MTHFD1L: variants seen among roughly 807,000 people sequenced by gnomAD.
MTHFD1L encodes the protein methylenetetrahydrofolate dehydrogenase (NADP+ dependent) 1 like.
MTHFD1L carries 81 observed loss-of-function variants against 119.5 expected under a neutral mutation model. The observed-to-expected ratio is 0.68, with a 90% CI of 0.57 to 0.82. The LOEUF (loss-of-function observed/expected upper bound fraction) is 0.82. MTHFD1L is among the 40% of genes least tolerant of loss of function. The pLI, the probability that MTHFD1L is intolerant of heterozygous loss-of-function variation, is 0.00. For missense variants in MTHFD1L, 1,125 were observed against 1,253.4 expected (o/e 0.90, Z 1.55); for synonymous variants, 430 against 475.2 (o/e 0.90, Z 1.24).
At chr6:150,882,469 G>T (rs1781533625) in intron 4 of MTHFD1L, among the ~76,000 whole-genome samples, 1 of 152,114 alleles carries the variant, frequency 6.6e-6, no homozygotes, top group Non-Finnish European at 1.5e-5. Context: ...GTTGAGCTTT[G>T]GTTTTGTTCT....
At chr6:150,880,395 A>G (rs1403509075) in intron 4 of MTHFD1L, among the ~76,000 whole-genome samples, 4 of 152,186 alleles carry the variant, frequency 2.6e-5, no homozygotes, top group Non-Finnish European at 5.9e-5. Context: ...ACTTCATGTT[A>G]TGTCCTCCAG....
At chr6:151,080,782 A>G (rs1444390506) in intron 26 of MTHFD1L, among the ~76,000 whole-genome samples, 1 of 152,160 alleles carries the variant, frequency 6.6e-6, no homozygotes, top group Non-Finnish European at 1.5e-5. Flanking sequence ...TGGCTTGCAG[A>G]CAGCTGTCTT....
At chr6:150,894,027 T>G (rs1170484142) in intron 7 of MTHFD1L, among the ~76,000 whole-genome samples, 1 of 152,114 alleles carries the variant, frequency 6.6e-6, no homozygotes, top group Non-Finnish European at 1.5e-5. Context: ...GCAGATTGCT[T>G]GAGCCCAGGA....
intron 8 of MTHFD1L, among the ~76,000 whole-genome samples, chr6:150,914,916 C>A (rs1562369462): frequency 6.6e-6 from 1 of 152,206 alleles, no homozygotes; most frequent in African/African-American, 2.4e-5. Context: ...TTGCCTCTCT[C>A]TTCCACAAAT....
intron 26 of MTHFD1L, among the ~76,000 whole-genome samples, chr6:151,045,335 C>T (rs1787829941): frequency 6.6e-6 from 1 of 152,106 alleles, no homozygotes; most frequent in Non-Finnish European, 1.5e-5. Context: ...GAACGCCACT[C>T]CCCCCAGCAG....
intron 25 of MTHFD1L, among the ~76,000 whole-genome samples, chr6:151,036,642 T>G (rs974459361): frequency 6.6e-6 from 1 of 152,230 alleles, no homozygotes; most frequent in Admixed American, 6.5e-5. Flanking sequence ...TTAATAGTCT[T>G]GGAAAGTGGT....
rs1297628716 is a variant in MTHFD1L at position 151,101,793 on chromosome 6, G to A, written c.*299G>A. 1.3e-5 allele frequency: 2 copies of A among 152,364 alleles called. No individual in the cohort carries two copies. The highest frequency in any genetic ancestry group is 2.9e-5 in the Non-Finnish European group (2 of 68,024). The allele number at this position is 152,364 out of a possible 1,614,324, so 9.4% of individuals were successfully genotyped here. On this transcript the variant is annotated 3_prime_UTR_variant, in exon 28 of 28. Coordinates refer to ENST00000367321, the MANE Select transcript of MTHFD1L (RefSeq NM_015440.5). ...AGAATGTTTATTTTATGGGGACTAA[G>A]GGATTAGGAGTGTGAACTAAAAGGT...
chr6:151,066,606 A>G (rs1187100279), intron 26 of MTHFD1L, among the ~76,000 whole-genome samples: 1 of 149,186 alleles, frequency 6.7e-6, no homozygotes, highest in Non-Finnish European at 1.5e-5. Flanking sequence ...TCTACTAAAC[A>G]TACAAAAAAT....
rs74752198 is a variant in MTHFD1L at position 151,045,219 on chromosome 6, G to A, written c.2847+8102G>A. On this transcript the variant is annotated intron_variant, in intron 26 of 27. Transcript: ENST00000367321. ...CCTTCACATTTTCCAGAGATTTACG[G>A]CCAGTTACAATGAGACAATTAAACA... Among the ~76,000 whole-genome samples, 1,048 of 152,184 alleles carry A rather than the reference G, an allele frequency of 6.9e-3. 28 individuals carry two copies. In the South Asian group the frequency reaches 0.093, roughly 13 times the overall value.
chr6:150,902,873 A>G (rs1261109063), intron 7 of MTHFD1L, among the ~76,000 whole-genome samples: 2 of 152,204 alleles, frequency 1.3e-5, no homozygotes, highest in African/African-American at 2.4e-5. Context: ...CCTTGTTCAT[A>G]TTAACCTCCT....
chr6:151,038,184 G>T (rs1469013984), intron 26 of MTHFD1L, among the ~76,000 whole-genome samples: 1 of 152,182 alleles, frequency 6.6e-6, no homozygotes, highest in Non-Finnish European at 1.5e-5. Flanking sequence ...TAGCACAGAG[G>T]TATCTGGAGA....
chr6:150,961,984 TTTTA>T (rs568617882), intron 18 of MTHFD1L, among the ~76,000 whole-genome samples: 57 of 152,240 alleles, frequency 3.7e-4, no homozygotes, highest in African/African-American at 1.3e-3. Flanking sequence ...ATTTATTTAT[TTTTA>T]TTTATTTATT....
intron 26 of MTHFD1L, among the ~76,000 whole-genome samples, chr6:151,074,717 A>C (rs142000228): frequency 6.6e-6 from 1 of 152,226 alleles, no homozygotes; most frequent in Non-Finnish European, 1.5e-5. Flanking sequence ...ATGTATAAAT[A>C]CTTACCATTC....
At position 150,926,955 on chromosome 6, in the gene MTHFD1L, T is replaced by C. The variant is rs1475612798; in HGVS notation, c.1256+660T>C. Among the ~76,000 whole-genome samples the C allele has an allele frequency of 6.6e-6, 1 of 152,192 alleles. No homozygotes were observed. Among genetic ancestry groups the C allele is most frequent in the Admixed American group, 6.5e-5 (1 of 15,284 alleles). ...TTTCAAATATTTATTCAGTGTGACCTGAGGGAACATCATGAGACCATATAA... is the reference window on the plus strand; with the variant it reads ...TTTCAAATATTTATTCAGTGTGACCCGAGGGAACATCATGAGACCATATAA... On this transcript the variant is annotated intron_variant, in intron 11 of 27. Transcript: ENST00000367321. The surrounding 1 kb of genome is among the most constrained non-coding windows in gnomAD (Gnocchi z 4.3).
intron 1 of MTHFD1L, among the ~76,000 whole-genome samples, chr6:150,870,681 A>C (rs2128721950): frequency 6.6e-6 from 1 of 152,114 alleles, no homozygotes; most frequent in East Asian, 1.9e-4. Context: ...GGGAGGCTGA[A>C]GTGGGTGGAT....
chr6:151,049,241 C>T (rs1365310603), intron 26 of MTHFD1L, among the ~76,000 whole-genome samples: 2 of 152,174 alleles, frequency 1.3e-5, no homozygotes, highest in Non-Finnish European at 2.9e-5. Context: ...CCAGTAATCC[C>T]GGCACTTTGG....
At chr6:151,014,600 C>T (rs1325847435) in intron 22 of MTHFD1L, among the ~76,000 whole-genome samples, 1 of 152,248 alleles carries the variant, frequency 6.6e-6, no homozygotes, top group Non-Finnish European at 1.5e-5. Context: ...CCTGTCAGGC[C>T]TCAACCTGCA....
At chr6:151,070,881 G>A (rs886898353) in intron 26 of MTHFD1L, among the ~76,000 whole-genome samples, 2 of 152,176 alleles carry the variant, frequency 1.3e-5, no homozygotes, top group African/African-American at 2.4e-5. Context: ...AAGTACTGGT[G>A]GGAATGAGAT....
chr6:151,025,257 C>T (rs1351946842), intron 24 of MTHFD1L, among the ~76,000 whole-genome samples: 1 of 152,244 alleles, frequency 6.6e-6, no homozygotes, highest in Non-Finnish European at 1.5e-5. Flanking sequence ...ACTGAGCAGG[C>T]TCGTGGACGT....
Sources: allele counts gnomAD v4.1 joint callset (sites outside exome capture counted in the v4.1 genomes callset), GRCh38; gene constraint gnomAD v4.1.1; non-coding constraint Gnocchi (gnomAD v3.1); transcripts MANE v1.5; gene names NCBI Gene and HGNC (gene_info 2026-07-23, HGNC 2026-07-21).